Variants in PTK7 observed in about 807,000 individuals in gnomAD.
The protein encoded by PTK7 is protein tyrosine kinase 7 (inactive), also known as inactive tyrosine-protein kinase 7.
Under a neutral mutation model 116.6 loss-of-function variants are expected in PTK7, and 39 were observed. The observed-to-expected ratio is 0.33, with a 90% CI of 0.26 to 0.44. PTK7 has a LOEUF of 0.44. Ranked by LOEUF, PTK7 falls within the 20% of genes least tolerant of loss-of-function variation. The probability of loss-of-function intolerance (pLI) is 1.00; values close to 1 mark genes in which losing one functional copy is unlikely to be tolerated. For missense variants in PTK7, 1,169 were observed against 1,425.6 expected (o/e 0.82, Z 2.90); for synonymous variants, 546 against 563.6 (o/e 0.97, Z 0.44).
intron 1 of PTK7, among the ~76,000 whole-genome samples, chr6:43,096,386 C>CCGGGATCCAAGGGAGCTTTG (rs1310150937): frequency 1.3e-5 from 2 of 151,864 alleles, no homozygotes; most frequent in Non-Finnish European, 2.9e-5. Context: ...TGAAGGAGGA[C>CCGGGATCCAAGGGAGCTTTG]CGGGATCCAA....
intron 17 of PTK7, among the ~76,000 whole-genome samples, chr6:43,149,764 A>G (rs1208920427): frequency 2.6e-5 from 4 of 152,146 alleles, no homozygotes; most frequent in South Asian, 4.1e-4. Context: ...AACTTTCACA[A>G]TGTTGTGTTT....
chr6:43,139,389 A>G lies in PTK7; in HGVS notation c.1499-17A>G. The stretch of plus-strand genomic sequence containing the variant: ...GCCCCAATTCCTCGTCTTTCTACCC[A>G]CCCTCTGCTGAAACAGAAAAGCTCA... On this transcript the variant is annotated splice_polypyrimidine_tract_variant and intron_variant, in intron 9 of 19. Coordinates refer to ENST00000230419, the MANE Select transcript of PTK7 (RefSeq NM_002821.5). This position sits in a 1 kb window ranked among gnomAD's most constrained non-coding sequence, Gnocchi z 4.6. 6.2e-7 allele frequency: 1 copy of G among 1,614,024 alleles called. No homozygotes were observed. Among genetic ancestry groups the G allele is most frequent in the Non-Finnish European group, 8.5e-7 (1 of 1,179,992 alleles).
chr6:43,121,347 C>T (rs1768948653), intron 1 of PTK7, among the ~76,000 whole-genome samples: 1 of 152,190 alleles, frequency 6.6e-6, no homozygotes, highest in Non-Finnish European at 1.5e-5. Flanking sequence ...ATTGTTTCTG[C>T]CCCAGTCCTT....
At chr6:43,118,649 CTCTCTCTCTCTA>C (rs1243032887) in intron 1 of PTK7, among the ~76,000 whole-genome samples, 1,021 of 86,360 alleles carry the variant, frequency 0.012, 2 homozygotes, top group Middle Eastern at 0.024. Context: ...CTCTCTCTCT[CTCTCTCTCTCTA>C]TATATATATA....
chr6:43,084,271 C>G (rs1766536133), intron 1 of PTK7, among the ~76,000 whole-genome samples: 1 of 152,186 alleles, frequency 6.6e-6, no homozygotes. Context: ...GCTGGGACCA[C>G]AGGTGCATGC....
chr6:43,103,986 T>G (rs2150393762), intron 1 of PTK7, among the ~76,000 whole-genome samples: 1 of 152,356 alleles, frequency 6.6e-6, no homozygotes, highest in Middle Eastern at 3.4e-3. Context: ...AAACACTTTT[T>G]CTTCTTCGGT....
Position 43,142,148 on chromosome 6 carries a change from G to A in PTK7, c.1920-24G>A, listed in dbSNP as rs759159706. The A allele has an allele frequency of 8.1e-6, 13 of 1,613,418 alleles. No homozygotes were observed. The East Asian group carries it at 1.3e-4, about 17-fold the overall frequency. ...AGCCCCCCTCCCTGCGAGCTGGCCAGCACTATGGCTTCTCCCCCGACAGGA... is the reference window on the plus strand; with the variant it reads ...AGCCCCCCTCCCTGCGAGCTGGCCAACACTATGGCTTCTCCCCCGACAGGA... On this transcript the variant is annotated intron_variant, in intron 12 of 19. Coordinates refer to ENST00000230419, the MANE Select transcript of PTK7 (RefSeq NM_002821.5).
At chr6:43,080,734 G>C (rs571063113) in intron 1 of PTK7, among the ~76,000 whole-genome samples, 68 of 152,272 alleles carry the variant, frequency 4.5e-4, no homozygotes, top group African/African-American at 1.6e-3. Context: ...CTGAGGTCAG[G>C]AGTTCAAGAC....
Position 43,141,889 on chromosome 6 carries a change from G to T in PTK7, c.1769-42G>T, listed in dbSNP as rs752771526. 6.3e-7 allele frequency: 1 copy of T among 1,595,388 alleles called. No individual in the cohort carries two copies. Among genetic ancestry groups the T allele is most frequent in the South Asian group, 1.1e-5 (1 of 89,920 alleles). ...GCACCGTGTACCCTGCCAGCCCCTT[G>T]GCTTACCCCTCCCTGCGCCTCGCTG... On this transcript the variant is annotated intron_variant, in intron 11 of 19. Transcript: ENST00000230419. This position sits in a 1 kb window ranked among gnomAD's most constrained non-coding sequence, Gnocchi z 4.9.
chr6:43,149,200 C>T (rs577175479), intron 17 of PTK7, among the ~76,000 whole-genome samples: 5 of 151,760 alleles, frequency 3.3e-5, no homozygotes, highest in African/African-American at 1.2e-4. Flanking sequence ...GGGGAAACCC[C>T]ATCTCTACTA....
intron 1 of PTK7, among the ~76,000 whole-genome samples, chr6:43,079,683 T>G (rs1275275607): frequency 6.6e-6 from 1 of 152,118 alleles, no homozygotes; most frequent in African/African-American, 2.4e-5. Flanking sequence ...CTCAAATTCC[T>G]GGGCTCAAGC....
chr6:43,099,235 CTTTTT>C (rs11375658), intron 1 of PTK7, among the ~76,000 whole-genome samples: 1 of 137,010 alleles, frequency 7.3e-6, no homozygotes. Context: ...ACTATTTTTC[CTTTTT>C]TTTTTTTTTT....
At chr6:43,113,928 A>G (rs1768339243) in intron 1 of PTK7, among the ~76,000 whole-genome samples, 1 of 151,704 alleles carries the variant, frequency 6.6e-6, no homozygotes, top group Admixed American at 6.6e-5. Context: ...CCTCTCTTTA[A>G]CTCCCTCTGG....
intron 1 of PTK7, among the ~76,000 whole-genome samples, chr6:43,115,992 A>G (rs1286230146): frequency 1.4e-5 from 2 of 147,298 alleles, no homozygotes; most frequent in African/African-American, 2.5e-5. Flanking sequence ...CCCCTCTCCC[A>G]TGGGCCTGGG....
chr6:43,120,695 C>G (rs530292496), intron 1 of PTK7, among the ~76,000 whole-genome samples: 1 of 152,290 alleles, frequency 6.6e-6, no homozygotes, highest in Admixed American at 6.5e-5. Context: ...TCATTGCAGC[C>G]AGTCCAATGT....
intron 7 of PTK7, 113 bp from the exon 8 acceptor site, chr6:43,138,736 C>T: frequency 7.1e-7 from 1 of 1,407,218 alleles, no homozygotes; most frequent in East Asian, 2.3e-5. Context: ...ATCTGAGGAG[C>T]ATGGGGCTTC....
chr6:43,130,442 A>C (rs1229653096), intron 4 of PTK7, 22 bp downstream of exon 4: 2 of 1,604,038 alleles, frequency 1.2e-6, no homozygotes, highest in South Asian at 2.2e-5. Flanking sequence ...GTGGGGGCGG[A>C]AGGGATGAGG....
At chr6:43,156,340 AC>A (rs1211143761) in intron 17 of PTK7, among the ~76,000 whole-genome samples, 1 of 151,016 alleles carries the variant, frequency 6.6e-6, no homozygotes, top group Non-Finnish European at 1.5e-5. Flanking sequence ...AGTGGCTCAC[AC>A]CTGTGATCCC....
At chr6:43,131,912 T>C in intron 5 of PTK7, 104 bp from the exon 6 acceptor site, 1 of 1,488,454 alleles carries the variant, frequency 6.7e-7, no homozygotes, top group Admixed American at 1.7e-5. Flanking sequence ...CCTGGTCGAT[T>C]CCTTACTACA....
Sources: allele counts gnomAD v4.1 joint callset (sites outside exome capture counted in the v4.1 genomes callset), GRCh38; gene constraint gnomAD v4.1.1; non-coding constraint Gnocchi (gnomAD v3.1); transcripts MANE v1.5; gene names NCBI Gene and HGNC (gene_info 2026-07-23, HGNC 2026-07-21).